The following ZKSCAN1 variants were observed in gnomAD, a reference collection of about 807,000 sequenced individuals.
ZKSCAN1 encodes zinc finger protein with KRAB and SCAN domains 1.
In ZKSCAN1, 14 loss-of-function variants were observed where a neutral mutation model predicts 51.6. The ratio of observed to expected loss-of-function variants is 0.27; its 90% confidence interval spans 0.18 to 0.42. The LOEUF (loss-of-function observed/expected upper bound fraction) is 0.42, where lower values mean the gene tolerates loss of function less well. Among genes scored for constraint, ZKSCAN1 ranks in the 10% least tolerant of loss-of-function variants. The pLI, the probability that ZKSCAN1 is intolerant of heterozygous loss-of-function variation, is 1.00. For missense variants in ZKSCAN1, 531 were observed against 710.0 expected (o/e 0.75, Z 2.86); for synonymous variants, 263 against 261.5 (o/e 1.01, Z -0.06).
chr7:100,036,854 A>C lies in ZKSCAN1; in HGVS notation c.*2657A>C, dbSNP rs138407482. ...TTTGGTTTTTTTTTTTCTTTCAGCC[A>C]CAACTATATGCTGATATAACTCAGC... On this transcript the variant is annotated 3_prime_UTR_variant, in exon 6 of 6. Coordinates refer to ENST00000324306, the MANE Select transcript of ZKSCAN1 (RefSeq NM_003439.4). 1,649 of 983,462 alleles carry C rather than the reference A, an allele frequency of 1.7e-3. 15 individuals are homozygous for C. In the African/African-American group the frequency reaches 0.025, roughly 15 times the overall value. The allele number at this position is 983,462 out of a possible 1,614,324, so 60.9% of individuals were successfully genotyped here. A position where few individuals can be genotyped will look rare whatever the true frequency, so the allele number is the denominator to read the frequency against.
At position 100,033,267 on chromosome 7, in the gene ZKSCAN1, A is replaced by G. The variant is rs1774928342; in HGVS notation, c.800-38A>G. Reference sequence around the variant, plus strand: ...CTTGACCCACCTGTATATTCAAAAGAAAAAGGTGCGATTTGAATTTTCTAT... The same window carrying G: ...CTTGACCCACCTGTATATTCAAAAGGAAAAGGTGCGATTTGAATTTTCTAT... On this transcript the variant is annotated intron_variant, in intron 5 of 5. Coordinates refer to ENST00000324306, the MANE Select transcript of ZKSCAN1 (RefSeq NM_003439.4). This position sits in a 1 kb window ranked among gnomAD's most constrained non-coding sequence, Gnocchi z 4.1. The G allele has an allele frequency of 6.4e-7, 1 of 1,555,632 alleles. No individual in the cohort carries two copies. The highest frequency in any genetic ancestry group is 2.1e-5 in the Admixed American group (1 of 47,144).
At position 100,036,380 on chromosome 7, in the gene ZKSCAN1, G is replaced by T; in HGVS notation, c.*2183G>T. ...AAGAATAAGCCACAGCAATGGTTTT[G>T]TAGAAAACTCCTGTGCTTTTGAGCA... is the stretch of plus-strand genomic sequence containing the variant. On this transcript the variant is annotated 3_prime_UTR_variant, in exon 6 of 6. Coordinates refer to ENST00000324306, the MANE Select transcript of ZKSCAN1 (RefSeq NM_003439.4). 2 of 985,404 alleles carry T rather than the reference G, an allele frequency of 2.0e-6. No individual in the cohort carries two copies. Among genetic ancestry groups the T allele is most frequent in the South Asian group, 9.4e-5 (2 of 21,286 alleles). 61.0% of individuals were successfully genotyped at this position (985,404 alleles called of 1,614,324 possible).
downstream of ZKSCAN1, among the ~76,000 whole-genome samples, chr7:100,042,373 G>C (rs1791621780): frequency 6.6e-6 from 1 of 151,160 alleles, no homozygotes; most frequent in African/African-American, 2.4e-5. Flanking sequence ...GTGTCCAGGA[G>C]GCATCCAAAC....
Position 100,025,439 on chromosome 7 carries a change from T to A in ZKSCAN1, c.580+1132T>A, listed in dbSNP as rs1043040582. Among the ~76,000 whole-genome samples, 126 of 152,284 alleles carry A rather than the reference T, an allele frequency of 8.3e-4. 1 individual carries two copies. The highest frequency in any genetic ancestry group is 1.9e-4 in the Non-Finnish European group (13 of 68,016). ...TTGAGGAACACGAAAAAAGATCAGTTCACAGTCATATAAATAAAAAGTCAT... is the reference window on the plus strand; with the variant it reads ...TTGAGGAACACGAAAAAAGATCAGTACACAGTCATATAAATAAAAAGTCAT... On this transcript the variant is annotated intron_variant, in intron 3 of 5. Transcript: ENST00000324306.
rs1791600040 is a variant in ZKSCAN1, at chr7:100,041,656, T to C, written c.*7459T>C. The C allele has an allele frequency of 1.0e-6, 1 of 985,454 alleles. No individual in the cohort carries two copies. Among genetic ancestry groups the C allele is most frequent in the Non-Finnish European group, 1.2e-6 (1 of 829,930 alleles). 61.0% of individuals were successfully genotyped at this position (985,454 alleles called of 1,614,324 possible). On this transcript the variant is annotated 3_prime_UTR_variant, in exon 6 of 6. Transcript: ENST00000324306. ...TTTATGTTGTTTCTCTTCTGAGTCA[T>C]GGTAAAACAATAAATTATCATCTCT...
chr7:100,024,115 A>C, intron 2 of ZKSCAN1, 39 bp from the exon 3 acceptor site: 2 of 1,574,388 alleles, frequency 1.3e-6, no homozygotes, highest in Non-Finnish European at 1.7e-6. Context: ...TCCCATTTAC[A>C]AAGTGATTTA....
Position 100,040,782 on chromosome 7 carries a change from C to T in ZKSCAN1, c.*6585C>T. 1.0e-6 allele frequency: 1 copy of T among 985,436 alleles called. No homozygotes were observed. Among genetic ancestry groups the T allele is most frequent in the Non-Finnish European group, 1.2e-6 (1 of 829,958 alleles). 61.0% of individuals were successfully genotyped at this position (985,436 alleles called of 1,614,324 possible). A position where few individuals can be genotyped will look rare whatever the true frequency, so the allele number is the denominator to read the frequency against. ...GTACCCGAGCGCCTTCCCCTCACCT[C>T]AACCAGAGAAGAGCATCCGGTTGCT... On this transcript the variant is annotated 3_prime_UTR_variant, in exon 6 of 6. Transcript: ENST00000324306.
Position 100,038,527 on chromosome 7 carries a change from G to C in ZKSCAN1, c.*4330G>C. ...AAACCAAGAAGTTGACCTCTGAGCT[G>C]TCAGGTGACCACTGTGTGCAAAGGG... On this transcript the variant is annotated 3_prime_UTR_variant, in exon 6 of 6. Coordinates refer to ENST00000324306, the MANE Select transcript of ZKSCAN1 (RefSeq NM_003439.4). The C allele has an allele frequency of 1.0e-6, 1 of 985,492 alleles. No individual in the cohort carries two copies. The highest frequency in any genetic ancestry group is 4.7e-5 in the South Asian group (1 of 21,292). 61.0% of individuals were successfully genotyped at this position (985,492 alleles called of 1,614,324 possible). A position where few individuals can be genotyped will look rare whatever the true frequency, so the allele number is the denominator to read the frequency against.
chr7:100,034,156 T>G lies in ZKSCAN1; in HGVS notation c.1651T>G (p.Ser551Ala). 6.5e-7 allele frequency: 1 copy of G among 1,537,450 alleles called. No individual in the cohort carries two copies. The highest frequency in any genetic ancestry group is 8.7e-7 in the Non-Finnish European group (1 of 1,148,678). ...RERASEYSPA[S>A]LDAFGAFLKS... is the part of the protein sequence containing the mutation. ...GAGAGCCTCTGAGTACAGCCCAGCC[T>G]CCCTTGATGCATTTGGCGCGTTCCT... The change falls in exon 6 of 6, where the codon TCC becomes GCC. Residue 551 changes from serine (S) to alanine (A), a missense_variant. Ser to Ala is a moderately conservative substitution (Grantham distance 99). This residue lies in a region of ZKSCAN1 where 128 missense variants were observed against 219.5 expected (regional missense o/e 0.58). Transcript: ENST00000324306.
chr7:100,025,967 T>A (rs576264829), intron 3 of ZKSCAN1, among the ~76,000 whole-genome samples: 2 of 152,150 alleles, frequency 1.3e-5, no homozygotes, highest in African/African-American at 4.8e-5. Flanking sequence ...ACACCTATAA[T>A]CCCAGCACTT....
chr7:100,021,830 A>C (rs552114868), intron 1 of ZKSCAN1, among the ~76,000 whole-genome samples: 1 of 149,572 alleles, frequency 6.7e-6, no homozygotes, highest in Non-Finnish European at 1.5e-5. Flanking sequence ...CTGCAGCCTC[A>C]AACTTCTGGT....
chr7:100,032,564 A>G (rs1791154447), intron 5 of ZKSCAN1, among the ~76,000 whole-genome samples: 1 of 152,160 alleles, frequency 6.6e-6, no homozygotes, highest in Non-Finnish European at 1.5e-5. Context: ...ATGTCCAATT[A>G]ATATTGTGAA....
chr7:100,040,086 A>C lies in ZKSCAN1; in HGVS notation c.*5889A>C. 1 of 919,098 alleles carries C rather than the reference A, an allele frequency of 1.1e-6. No homozygotes were observed. The highest frequency in any genetic ancestry group is 1.3e-6 in the Non-Finnish European group (1 of 769,682). 56.9% of individuals were successfully genotyped at this position (919,098 alleles called of 1,614,324 possible). On this transcript the variant is annotated 3_prime_UTR_variant, in exon 6 of 6. Coordinates refer to ENST00000324306, the MANE Select transcript of ZKSCAN1 (RefSeq NM_003439.4). ...TGAAATTATCTGTTTTACTTTTCAA[A>C]GCTTTGTGAAACAAACTTGAAGTTA...
In ZKSCAN1 at chr7:100,040,817, T is replaced by G; in HGVS notation, c.*6620T>G. ...AGAGCATCCGGTTGCTTTTTAAAGC[T>G]TTTAGCCTGCCCTAGCAAGGACAAA... is the stretch of plus-strand genomic sequence containing the variant. On this transcript the variant is annotated 3_prime_UTR_variant, in exon 6 of 6. Transcript: ENST00000324306. 1.0e-6 allele frequency: 1 copy of G among 985,418 alleles called. No homozygotes were observed. Among genetic ancestry groups the G allele is most frequent in the Non-Finnish European group, 1.2e-6 (1 of 829,934 alleles). 61.0% of individuals were successfully genotyped at this position (985,418 alleles called of 1,614,324 possible). A position where few individuals can be genotyped will look rare whatever the true frequency, so the allele number is the denominator to read the frequency against.
chr7:100,029,933 T>G lies in ZKSCAN1; in HGVS notation c.653T>G (p.Leu218Arg), dbSNP rs1481302070. Residue 218 changes from leucine (L) to arginine (R), a missense_variant, in exon 4 of 6, where the codon CTA becomes CGA. Physicochemically the swap from Leu to Arg is moderately radical, Grantham distance 102 (BLOSUM62 -2). This residue lies in a region of ZKSCAN1 where 403 missense variants were observed against 490.5 expected (regional missense o/e 0.82). Transcript: ENST00000324306. ...SPRDQAMASA[L>R]FTADSQAMVK... ...AGAGACCAGGCGATGGCATCTGCACTATTCACAGCGGATTCCCAGGTGAGC... is the reference window on the plus strand; with the variant it reads ...AGAGACCAGGCGATGGCATCTGCACGATTCACAGCGGATTCCCAGGTGAGC... The G allele has an allele frequency of 6.2e-7, 1 of 1,614,048 alleles. No homozygotes were observed. Among genetic ancestry groups the G allele is most frequent in the Non-Finnish European group, 8.5e-7 (1 of 1,180,026 alleles).
rs189925036 is a variant in ZKSCAN1, at chr7:100,035,289, C to T, written c.*1092C>T. On this transcript the variant is annotated 3_prime_UTR_variant, in exon 6 of 6. Transcript: ENST00000324306. ...CTAGGGTCTGATGCTGTTTTTGTTC[C>T]AAATATAAACGAAAGGCACTAGTCA... is the stretch of plus-strand genomic sequence containing the variant. The T allele has an allele frequency of 8.2e-4, 125 of 152,268 alleles. No homozygotes were observed. Among genetic ancestry groups the T allele is most frequent in the African/African-American group, 2.8e-3 (118 of 41,544 alleles). The allele number at this position is 152,268 out of a possible 1,614,324, so 9.4% of individuals were successfully genotyped here. A position where few individuals can be genotyped will look rare whatever the true frequency, so the allele number is the denominator to read the frequency against.
Position 100,034,266 on chromosome 7 carries a change from G to T in ZKSCAN1, c.*69G>T. On this transcript the variant is annotated 3_prime_UTR_variant, in exon 6 of 6. Coordinates refer to ENST00000324306, the MANE Select transcript of ZKSCAN1 (RefSeq NM_003439.4). ...AATTATTTCAGAGATGTGTGCTCCT[G>T]GAGGGAAAAAGAAATACAGCCTCAA... 3.3e-6 allele frequency: 5 copies of T among 1,495,950 alleles called. No homozygotes were observed. The highest frequency in any genetic ancestry group is 4.4e-6 in the Non-Finnish European group (5 of 1,132,020). 92.7% of individuals were successfully genotyped at this position (1,495,950 alleles called of 1,614,324 possible). A position where few individuals can be genotyped will look rare whatever the true frequency, so the allele number is the denominator to read the frequency against.
rs1166070128 is a variant in ZKSCAN1, at chr7:100,030,234, C to A, written c.673-15C>A. 2 of 1,611,608 alleles carry A rather than the reference C, an allele frequency of 1.2e-6. No individual in the cohort carries two copies. The highest frequency in any genetic ancestry group is 1.7e-6 in the Non-Finnish European group (2 of 1,178,292). On this transcript the variant is annotated splice_polypyrimidine_tract_variant and intron_variant, in intron 4 of 5. Transcript: ENST00000324306. Reference sequence around the variant, plus strand: ...AGTTTGGGGGGAAATGACTGTTTGTCTCGTGTTATTTTAGGCAATGGTGAA... The same window carrying A: ...AGTTTGGGGGGAAATGACTGTTTGTATCGTGTTATTTTAGGCAATGGTGAA...
chr7:100,028,570 T>C (rs1474123971), intron 3 of ZKSCAN1, among the ~76,000 whole-genome samples: 1 of 152,126 alleles, frequency 6.6e-6, no homozygotes, highest in Non-Finnish European at 1.5e-5. Flanking sequence ...AATTCATTTC[T>C]CAAATATCCT....
Sources: allele counts gnomAD v4.1 joint callset (sites outside exome capture counted in the v4.1 genomes callset), GRCh38; gene constraint gnomAD v4.1.1; regional missense constraint gnomAD v4.1.1; non-coding constraint Gnocchi (gnomAD v3.1); transcripts MANE v1.5; gene names NCBI Gene and HGNC (gene_info 2026-07-23, HGNC 2026-07-21).